SLC13A3: variants seen among roughly 807,000 people sequenced by gnomAD.
The protein encoded by SLC13A3 is solute carrier family 13 member 3.
A neutral mutation model predicts 59.0 loss-of-function variants in SLC13A3; 40 were observed. The ratio of observed to expected loss-of-function variants is 0.68; its 90% CI spans 0.53 to 0.88. The LOEUF (loss-of-function observed/expected upper bound fraction) is 0.88, where lower values mean the gene tolerates loss of function less well. Among genes scored for constraint, SLC13A3 ranks in the 40% least tolerant of loss-of-function variants. The pLI, the probability that SLC13A3 is intolerant of heterozygous loss-of-function variation, is 0.00. For missense variants in SLC13A3, 699 were observed against 783.2 expected (o/e 0.89, Z 1.28); for synonymous variants, 317 against 330.3 (o/e 0.96, Z 0.44).
intron 1 of SLC13A3, among the ~76,000 whole-genome samples, chr20:46,656,518 G>T: frequency 7.4e-6 from 1 of 134,336 alleles, no homozygotes; most frequent in Non-Finnish European, 1.6e-5. Context: ...ATATTATACT[G>T]TATATGATAT....
intron 1 of SLC13A3, among the ~76,000 whole-genome samples, chr20:46,645,639 A>G (rs2062887286): frequency 2.6e-5 from 4 of 152,212 alleles, no homozygotes; most frequent in Admixed American, 6.5e-5. Context: ...TTTCCAAAAC[A>G]AAGTCTCAGT....
intron 11 of SLC13A3, 81 bp downstream of exon 11, chr20:46,566,148 G>T: frequency 1.7e-6 from 2 of 1,209,364 alleles, no homozygotes; most frequent in Non-Finnish European, 1.2e-6. Context: ...GTGGCCCCCA[G>T]TGAAGGTCCC....
At chr20:46,636,862 G>T (rs1419712956) in intron 1 of SLC13A3, among the ~76,000 whole-genome samples, 1 of 150,732 alleles carries the variant, frequency 6.6e-6, no homozygotes, top group African/African-American at 2.5e-5. Flanking sequence ...GTGCACTGGC[G>T]TGATCTCAGC....
chr20:46,666,896 A>C (rs1348017721), intron 1 of SLC13A3, among the ~76,000 whole-genome samples: 1 of 152,156 alleles, frequency 6.6e-6, no homozygotes, highest in African/African-American at 2.4e-5. Context: ...AAAGCAACTC[A>C]AAGAAAAATG....
At chr20:46,636,711 A>G (rs1009108585) in intron 1 of SLC13A3, among the ~76,000 whole-genome samples, 3 of 152,142 alleles carry the variant, frequency 2.0e-5, no homozygotes, top group South Asian at 2.1e-4. Flanking sequence ...TTCTTGGCCA[A>G]TCTTGGCTCT....
chr20:46,641,000 G>A (rs1038188687), intron 1 of SLC13A3, among the ~76,000 whole-genome samples: 1 of 152,142 alleles, frequency 6.6e-6, no homozygotes, highest in African/African-American at 2.4e-5. Flanking sequence ...TGGGGTCAGC[G>A]GGTCTATGTG....
chr20:46,639,991 C>T (rs548570245), intron 1 of SLC13A3, among the ~76,000 whole-genome samples: 2 of 152,282 alleles, frequency 1.3e-5, no homozygotes, highest in South Asian at 4.1e-4. Context: ...TCAGTTTCTT[C>T]GTCTGCAAAT....
chr20:46,657,850 C>G (rs2063004359), intron 1 of SLC13A3, among the ~76,000 whole-genome samples: 1 of 152,088 alleles, frequency 6.6e-6, no homozygotes, highest in African/African-American at 2.4e-5. Flanking sequence ...GTGCCACACA[C>G]TTTTAAACAA....
chr20:46,644,107 G>A lies in SLC13A3; in HGVS notation c.111+7204C>T, dbSNP rs928943151. 3.3e-5 allele frequency among the ~76,000 whole-genome samples: 5 copies of A among 152,176 alleles called. No individual in the cohort carries two copies. In the South Asian group the frequency reaches 1.0e-3, roughly 32 times the overall value. ...CTAAGACAGGGTACTCCCTGGAGAG[G>A]GGGATGGAAGTGCTCATCTCCGCCC... On this transcript the variant is annotated intron_variant, in intron 1 of 12. Coordinates refer to ENST00000279027, the MANE Select transcript of SLC13A3 (RefSeq NM_022829.6).
At chr20:46,634,871 T>C (rs150007247) in intron 1 of SLC13A3, among the ~76,000 whole-genome samples, 177 of 152,288 alleles carry the variant, frequency 1.2e-3, no homozygotes, top group African/African-American at 4.0e-3. Flanking sequence ...TCTCCCATCA[T>C]GGAGCGGCAT....
At chr20:46,603,982 C>T (rs1210655734) in intron 3 of SLC13A3, among the ~76,000 whole-genome samples, 14 of 142,560 alleles carry the variant, frequency 9.8e-5, no homozygotes, top group East Asian at 6.1e-4. Flanking sequence ...CAGAGCAAGA[C>T]GCCATCTCAA....
chr20:46,606,641 C>G (rs1335844853), intron 3 of SLC13A3, among the ~76,000 whole-genome samples: 1 of 152,166 alleles, frequency 6.6e-6, no homozygotes, highest in East Asian at 1.9e-4. Flanking sequence ...GAGTTTGAGG[C>G]TGCAGCGAGC....
At chr20:46,590,478 C>G (rs1311994365) in intron 6 of SLC13A3, among the ~76,000 whole-genome samples, 1 of 151,970 alleles carries the variant, frequency 6.6e-6, no homozygotes, top group Non-Finnish European at 1.5e-5. Context: ...AGAACAAGAC[C>G]AAAAACCCAT....
chr20:46,648,542 TC>T (rs2062917717), intron 1 of SLC13A3, among the ~76,000 whole-genome samples: 2 of 151,826 alleles, frequency 1.3e-5, no homozygotes, highest in South Asian at 4.2e-4. Context: ...ATATAAAGGG[TC>T]CCCACAAGGG....
At chr20:46,589,679 C>T (rs971748) in intron 6 of SLC13A3, among the ~76,000 whole-genome samples, 51,176 of 152,046 alleles carry the variant, frequency 0.34, 9,140 homozygotes, top group South Asian at 0.49. Context: ...GAGTTGAGAG[C>T]CCAGAAATAA....
At chr20:46,594,262 C>T (rs1463846769) in intron 5 of SLC13A3, among the ~76,000 whole-genome samples, 1 of 149,600 alleles carries the variant, frequency 6.7e-6, no homozygotes, top group African/African-American at 2.4e-5. Flanking sequence ...ATATTACATA[C>T]TTAAACATAC....
intron 3 of SLC13A3, among the ~76,000 whole-genome samples, chr20:46,603,392 T>C (rs1236712116): frequency 6.6e-6 from 1 of 152,036 alleles, no homozygotes. Context: ...ATTTTTGTTT[T>C]GAGATAGGAT....
At chr20:46,570,432 G>A (rs1358370238) in intron 10 of SLC13A3, among the ~76,000 whole-genome samples, 3 of 152,182 alleles carry the variant, frequency 2.0e-5, no homozygotes, top group Non-Finnish European at 4.4e-5. Context: ...GAAAATGCAT[G>A]TAATACACCT....
intron 1 of SLC13A3, among the ~76,000 whole-genome samples, chr20:46,658,633 C>T (rs772236566): frequency 2.4e-4 from 36 of 152,100 alleles, no homozygotes; most frequent in Admixed American, 1.3e-4. Context: ...CTGGGCAACA[C>T]GGTGAGATCC....
Sources: allele counts gnomAD v4.1 joint callset (sites outside exome capture counted in the v4.1 genomes callset), GRCh38; gene constraint gnomAD v4.1.1; transcripts MANE v1.5; gene names NCBI Gene and HGNC (gene_info 2026-07-23, HGNC 2026-07-21).